Variants in MED13L observed in about 807,000 individuals in gnomAD.
The protein encoded by MED13L is mediator of RNA polymerase II transcription subunit 13-like.
A neutral mutation model predicts 220.9 loss-of-function variants in MED13L; 7 were observed. The ratio of observed to expected loss-of-function variants is 0.03; its 90% confidence interval spans 0.02 to 0.06. The LOEUF (loss-of-function observed/expected upper bound fraction) is 0.06. MED13L is among the 10% of genes least tolerant of loss of function. The pLI is 1.00. For synonymous variants in MED13L, 1,011 were observed against 1,015.2 expected, an observed-to-expected ratio of 1.00 and a Z score of 0.08; for missense variants, 1,965 against 2,760.5, an observed-to-expected ratio of 0.71 and a Z score of 6.46.
At chr12:116,203,885 T>C (rs1032046977) in intron 2 of MED13L, among the ~76,000 whole-genome samples, 26 of 152,194 alleles carry the variant, frequency 1.7e-4, no homozygotes, top group African/African-American at 4.3e-4. Context: ...GACTTACGAA[T>C]TGAATCAGTT....
At chr12:116,238,272 T>C (rs1870289984) in intron 1 of MED13L, among the ~76,000 whole-genome samples, 1 of 152,224 alleles carries the variant, frequency 6.6e-6, no homozygotes, top group African/African-American at 2.4e-5. Context: ...TTATTCATGT[T>C]TTTTAACATG....
rs181923912 is a variant in MED13L at position 116,134,837 on chromosome 12, T to C, written c.311-23325A>G. Among the ~76,000 whole-genome samples the C allele has an allele frequency of 2.8e-4, 43 of 151,966 alleles. 1 individual carries two copies. The highest frequency in any genetic ancestry group is 2.1e-3 in the East Asian group (11 of 5,164). ...GCCTGTATTTCTTTCCCTTAAAAAA[T>C]AGGATTTATGGTTGCTTCAAGGAAG... On this transcript the variant is annotated intron_variant, in intron 2 of 30. Coordinates refer to ENST00000281928, the MANE Select transcript of MED13L (RefSeq NM_015335.5).
intron 2 of MED13L, among the ~76,000 whole-genome samples, chr12:116,210,802 G>T (rs572533733): frequency 6.6e-6 from 1 of 151,954 alleles, no homozygotes; most frequent in South Asian, 2.1e-4. Context: ...TAGGGAAAAT[G>T]TAAGTAGTAA....
At chr12:116,130,010 G>A (rs1875935817) in intron 2 of MED13L, among the ~76,000 whole-genome samples, 1 of 151,950 alleles carries the variant, frequency 6.6e-6, no homozygotes, top group Non-Finnish European at 1.5e-5. Flanking sequence ...GTGCCATTAA[G>A]AACAGCATCA....
chr12:116,275,865 T>G (rs1292682214), intron 1 of MED13L, among the ~76,000 whole-genome samples: 1 of 152,250 alleles, frequency 6.6e-6, no homozygotes, highest in Non-Finnish European at 1.5e-5. Context: ...GCCTTACATC[T>G]GTTTACAAAT....
Position 116,022,610 on chromosome 12 carries a change from G to A in MED13L, c.480-9C>T, listed in dbSNP as rs747533413. On this transcript the variant is annotated splice_polypyrimidine_tract_variant and intron_variant, in intron 4 of 30. Transcript: ENST00000281928. ...CACAGGACAAATGCTCACTACAAAAGAGAGAATGAGAAACTCAACTTTATA... is the reference window on the plus strand; with the variant it reads ...CACAGGACAAATGCTCACTACAAAAAAGAGAATGAGAAACTCAACTTTATA... 4.4e-5 allele frequency: 71 copies of A among 1,609,820 alleles called. No homozygotes were observed. Among genetic ancestry groups the A allele is most frequent in the Admixed American group, 1.0e-4 (6 of 59,542 alleles).
At chr12:116,101,860 C>A (rs1032351390) in intron 3 of MED13L, among the ~76,000 whole-genome samples, 2 of 152,118 alleles carry the variant, frequency 1.3e-5, no homozygotes, top group Non-Finnish European at 2.9e-5. Context: ...AAATCAATAT[C>A]ATCATAAATA....
intron 19 of MED13L, among the ~76,000 whole-genome samples, chr12:115,986,013 G>T (rs1877665013): frequency 6.6e-6 from 1 of 152,170 alleles, no homozygotes; most frequent in South Asian, 2.1e-4. Context: ...GGAGAAGAGA[G>T]AACTGATGGG....
At chr12:116,156,451 A>G (rs1036913714) in intron 2 of MED13L, among the ~76,000 whole-genome samples, 5 of 151,790 alleles carry the variant, frequency 3.3e-5, no homozygotes, top group African/African-American at 1.2e-4. Context: ...GAAGTTCAAT[A>G]CATCTGATGG....
chr12:116,236,437 T>A (rs1870088946), intron 2 of MED13L, among the ~76,000 whole-genome samples: 1 of 152,070 alleles, frequency 6.6e-6, no homozygotes. Flanking sequence ...CAGGAAATCC[T>A]TCAGGCAAAT....
At chr12:116,217,535 T>C (rs1883077423) in intron 2 of MED13L, among the ~76,000 whole-genome samples, 1 of 152,004 alleles carries the variant, frequency 6.6e-6, no homozygotes, top group South Asian at 2.1e-4. Context: ...GTCAAAAAAA[T>C]TGGCTAAACA....
chr12:116,263,849 T>C (rs996783020), intron 1 of MED13L, among the ~76,000 whole-genome samples: 1 of 152,132 alleles, frequency 6.6e-6, no homozygotes, highest in Admixed American at 6.5e-5. Context: ...CACCACCACT[T>C]AATTGGTCCC....
intron 4 of MED13L, among the ~76,000 whole-genome samples, chr12:116,042,098 A>G (rs1039949094): frequency 6.6e-6 from 1 of 152,230 alleles, no homozygotes; most frequent in Non-Finnish European, 1.5e-5. Context: ...GTAAATATAA[A>G]TTTTAAAAAT....
intron 4 of MED13L, among the ~76,000 whole-genome samples, chr12:116,044,143 A>G (rs1187028072): frequency 6.6e-6 from 1 of 152,222 alleles, no homozygotes; most frequent in African/African-American, 2.4e-5. Flanking sequence ...GATCTTAATC[A>G]CAAGAATAAA....
At chr12:116,177,300 T>C (rs1880147098) in intron 2 of MED13L, among the ~76,000 whole-genome samples, 1 of 152,224 alleles carries the variant, frequency 6.6e-6, no homozygotes, top group East Asian at 1.9e-4. Flanking sequence ...GTGTCTAAAC[T>C]TTATACAAAA....
Position 115,997,238 on chromosome 12 carries a change from T to A in MED13L, c.2570-8A>T, listed in dbSNP as rs776593973. On this transcript the variant is annotated splice_polypyrimidine_tract_variant and splice_region_variant and intron_variant, in intron 14 of 30. Transcript: ENST00000281928. ...TTTGCAAGTCTGCAACTGCTAAAAA[T>A]AAGAAATAAAAAAAATTTGTTTAAT... 1.2e-6 allele frequency: 2 copies of A among 1,613,158 alleles called. No homozygotes were observed. Among genetic ancestry groups the A allele is most frequent in the Admixed American group, 1.7e-5 (1 of 59,964 alleles).
At chr12:115,970,287 G>C (rs1876490493) in intron 27 of MED13L, among the ~76,000 whole-genome samples, 1 of 152,168 alleles carries the variant, frequency 6.6e-6, no homozygotes, top group Non-Finnish European at 1.5e-5. Context: ...AATCACATCA[G>C]CAAATATTTA....
intron 2 of MED13L, among the ~76,000 whole-genome samples, chr12:116,151,864 T>C (rs1206122971): frequency 6.6e-6 from 1 of 152,220 alleles, no homozygotes; most frequent in East Asian, 1.9e-4. Context: ...ACTCAACTTC[T>C]ACTCCCTATC....
intron 2 of MED13L, among the ~76,000 whole-genome samples, chr12:116,147,105 C>G (rs1442510839): frequency 6.6e-6 from 1 of 152,042 alleles, no homozygotes; most frequent in Non-Finnish European, 1.5e-5. Context: ...ATCCATTTAA[C>G]CAATATTCAA....
Sources: gnomAD v4.1 joint callset for allele counts (sites outside exome capture counted in the v4.1 genomes callset) on GRCh38, gnomAD v4.1.1 for gene constraint, MANE v1.5 for transcripts, NCBI Gene and HGNC (gene_info 2026-07-23, HGNC 2026-07-21) for gene names.